The following ZMYND12 variants were observed in gnomAD, a reference collection of about 807,000 sequenced individuals.
The protein encoded by ZMYND12 is zinc finger MYND domain-containing protein 12.
Under a neutral mutation model 41.7 loss-of-function variants are expected in ZMYND12, and 32 were observed. That is an observed-to-expected ratio of 0.77 (90% CI 0.58 to 1.03). The LOEUF (loss-of-function observed/expected upper bound fraction) is 1.03. Ranked by LOEUF, ZMYND12 falls within the 50% of genes least tolerant of loss-of-function variation. The probability of loss-of-function intolerance (pLI) is 0.00; values close to 1 mark genes in which losing one functional copy is unlikely to be tolerated. For missense variants in ZMYND12, 424 were observed against 438.5 expected (o/e 0.97, Z 0.30); for synonymous variants, 148 against 164.8 (o/e 0.90, Z 0.78).
chr1:42,448,325 TTG>T, intron 3 of ZMYND12, 140 bp downstream of exon 3: 3 of 987,364 alleles, frequency 3.0e-6, no homozygotes, highest in Non-Finnish European at 4.1e-6. Context: ...CTTCCCTACC[TTG>T]TGCTAAACTT....
intron 7 of ZMYND12, 111 bp downstream of exon 7, chr1:42,433,032 G>T: frequency 7.2e-7 from 1 of 1,380,536 alleles, no homozygotes; most frequent in Non-Finnish European, 1.0e-6. Context: ...TGGAGTGAGG[G>T]CTTGCTCTGA....
At chr1:42,443,484 G>A (rs755729688) in intron 3 of ZMYND12, among the ~76,000 whole-genome samples, 5 of 152,158 alleles carry the variant, frequency 3.3e-5, no homozygotes, top group Non-Finnish European at 5.9e-5. Flanking sequence ...CTGGGTTAAC[G>A]GCAGATCTGG....
chr1:42,451,042 G>C (rs1358140643), intron 1 of ZMYND12, among the ~76,000 whole-genome samples: 1 of 152,202 alleles, frequency 6.6e-6, no homozygotes, highest in Non-Finnish European at 1.5e-5. Flanking sequence ...GAGAAGAATA[G>C]GCATTCTCAT....
chr1:42,439,283 T>TTC (rs1642940944), intron 4 of ZMYND12, among the ~76,000 whole-genome samples: 1 of 151,450 alleles, frequency 6.6e-6, no homozygotes, highest in South Asian at 2.1e-4. Flanking sequence ...TTTTTTTTTT[T>TTC]TGAGACGAAG....
intron 7 of ZMYND12, among the ~76,000 whole-genome samples, chr1:42,432,667 G>A (rs1014120040): frequency 6.6e-6 from 1 of 152,108 alleles, no homozygotes; most frequent in Non-Finnish European, 1.5e-5. Flanking sequence ...TAATAAAATA[G>A]CTACCTCATT....
chr1:42,455,066 C>G (rs991701289), intron 1 of ZMYND12, among the ~76,000 whole-genome samples: 13 of 152,156 alleles, frequency 8.5e-5, no homozygotes, highest in African/African-American at 3.1e-4. Context: ...TGCTAAAGGG[C>G]CCTGGCCTGC....
Position 42,430,794 on chromosome 1 carries a change from T to C in ZMYND12, c.1040A>G (p.Gln347Arg), listed in dbSNP as rs752429850. Residue 347 changes from glutamine to arginine, a missense_variant, in exon 8 of 8, where the codon CAA becomes CGA. By Grantham distance (43) the Gln-to-Arg change is conservative. Transcript: ENST00000372565. ...AKEQQLDVHE[Q>R]STIQELLSLI... The stretch of plus-strand genomic sequence containing the variant: ...ACTTAATAACTCTTGAATGGTGCTT[T>C]GCTCATGGACATCAAGCTGTTGTTC... 6.2e-7 allele frequency: 1 copy of C among 1,614,194 alleles called. No homozygotes were observed. The highest frequency in any genetic ancestry group is 1.1e-5 in the South Asian group (1 of 91,080).
intron 3 of ZMYND12, among the ~76,000 whole-genome samples, chr1:42,447,716 T>C (rs1643038482): frequency 6.6e-6 from 1 of 152,194 alleles, no homozygotes. Flanking sequence ...TTTAACAGTT[T>C]TACTTTTAAA....
intron 1 of ZMYND12, 46 bp from the exon 2 acceptor site, chr1:42,450,105 C>A: frequency 6.2e-7 from 1 of 1,602,294 alleles, no homozygotes; most frequent in Non-Finnish European, 8.5e-7. Context: ...TTTGGCATGA[C>A]TTAAGATTCC....
chr1:42,444,805 T>C (rs1643005092), intron 3 of ZMYND12, among the ~76,000 whole-genome samples: 1 of 146,372 alleles, frequency 6.8e-6, no homozygotes, highest in African/African-American at 2.5e-5. Context: ...AGTAGTTCTT[T>C]TTTTTTTTTT....
Position 42,439,904 on chromosome 1 carries a change from A to G in ZMYND12, c.546T>C (p.Tyr182=). The change falls in exon 4 of 8, where the codon TAT becomes TAC. Residue 182 remains tyrosine (Y), a synonymous_variant. Transcript: ENST00000372565. The part of the protein sequence containing the change: ...SLLHRNLGLL[Y]IAKKNYEEAR... ...CCTCTTCATAGTTTTTCTTAGCTAT[A>G]TAGAGAAGTCCCAGATTCCGATGCA... is the stretch of plus-strand genomic sequence containing the variant. The G allele has an allele frequency of 6.2e-7, 1 of 1,614,136 alleles. No homozygotes were observed. The highest frequency in any genetic ancestry group is 8.5e-7 in the Non-Finnish European group (1 of 1,180,030).
intron 6 of ZMYND12, among the ~76,000 whole-genome samples, chr1:42,434,252 A>G (rs912768303): frequency 6.6e-6 from 1 of 152,218 alleles, no homozygotes; most frequent in Non-Finnish European, 1.5e-5. Context: ...ATGATGCTGT[A>G]CGGTACTATT....
rs1397568510 is a variant in ZMYND12, at chr1:42,448,579, G to A, written c.312C>T (p.His104=). ...IAQKYLFEGK[H]EDAVPAALQS... is the part of the protein sequence containing the mutation. ...GCAAAGCTGCTGGTACAGCATCTTCGTGTTTCCCTTCAAAGAGGTATTTCT... is the reference window on the plus strand; with the variant it reads ...GCAAAGCTGCTGGTACAGCATCTTCATGTTTCCCTTCAAAGAGGTATTTCT... Residue 104 remains histidine, a synonymous_variant, in exon 3 of 8, where the codon CAC becomes CAT. Transcript: ENST00000372565. 8.7e-6 allele frequency: 14 copies of A among 1,613,560 alleles called. No individual in the cohort carries two copies. The highest frequency in any genetic ancestry group is 1.7e-5 in the Admixed American group (1 of 59,954).
At chr1:42,435,061 A>C (rs1642892203) in intron 6 of ZMYND12, among the ~76,000 whole-genome samples, 1 of 152,056 alleles carries the variant, frequency 6.6e-6, no homozygotes, top group African/African-American at 2.4e-5. Context: ...GTAACCCCCG[A>C]ATGGCTATGT....
Position 42,430,814 on chromosome 1 carries a change from T to C in ZMYND12, c.1020A>G (p.Gln340=), listed in dbSNP as rs550072927. ...TGCTTTGCTCATGGACATCAAGCTG[T>C]TGTTCTTTGGCTAGACTGAGGGCCC... The part of the protein sequence containing the change: ...GMRALSLAKE[Q]QLDVHEQSTI... The change falls in exon 8 of 8, where the codon CAA becomes CAG. Residue 340 remains glutamine, a synonymous_variant. Transcript: ENST00000372565. 7 of 1,614,178 alleles carry C rather than the reference T, an allele frequency of 4.3e-6. No individual in the cohort carries two copies. The African/African-American group carries it at 9.3e-5, about 22-fold the overall frequency.
chr1:42,442,942 C>T (rs1557768902), intron 3 of ZMYND12, among the ~76,000 whole-genome samples: 1 of 152,180 alleles, frequency 6.6e-6, no homozygotes, highest in South Asian at 2.1e-4. Context: ...TCCCTCCAGG[C>T]TTTGTCTATA....
chr1:42,432,957 A>G, intron 7 of ZMYND12, 186 bp downstream of exon 7: 2 of 660,068 alleles, frequency 3.0e-6, no homozygotes, highest in Non-Finnish European at 4.9e-6. Context: ...GAAGAAGACA[A>G]TCCAATTTCC....
chr1:42,455,081 T>G (rs1426464639), intron 1 of ZMYND12, among the ~76,000 whole-genome samples: 3 of 152,218 alleles, frequency 2.0e-5, no homozygotes, highest in East Asian at 1.9e-4. Context: ...GCCTGCAGTT[T>G]GAAAATCACT....
intron 4 of ZMYND12, among the ~76,000 whole-genome samples, chr1:42,437,928 G>A (rs574624664): frequency 1.7e-4 from 26 of 152,154 alleles, no homozygotes; most frequent in Middle Eastern, 3.4e-3. Flanking sequence ...CGCCCATCTC[G>A]GCCTCCCAGA....
Sources: allele counts gnomAD v4.1 joint callset (sites outside exome capture counted in the v4.1 genomes callset), GRCh38; gene constraint gnomAD v4.1.1; transcripts MANE v1.5; gene names NCBI Gene and HGNC (gene_info 2026-07-23, HGNC 2026-07-21).